The following SMC3 variants were observed in gnomAD, a reference collection of about 807,000 sequenced individuals.
SMC3 encodes structural maintenance of chromosomes 3, also known as structural maintenance of chromosomes protein 3.
In SMC3, 20 loss-of-function variants were observed where a neutral mutation model predicts 171.8. The observed-to-expected ratio is 0.12, with a 90% CI of 0.08 to 0.17. The LOEUF is 0.17. Among genes scored for constraint, SMC3 ranks in the 10% least tolerant of loss-of-function variants. SMC3 has a pLI of 1.00. For missense variants in SMC3, 543 were observed against 1,420.4 expected (o/e 0.38, Z 9.93); for synonymous variants, 464 against 451.1 (o/e 1.03, Z -0.36).
intron 18 of SMC3, among the ~76,000 whole-genome samples, chr10:110,595,092 C>T (rs1010570475): frequency 4.6e-5 from 7 of 151,818 alleles, no homozygotes; most frequent in African/African-American, 1.7e-4. Context: ...AAGCGATTCT[C>T]CTGCCTCAGC....
chr10:110,601,930 AATTT>A (rs1366252086), intron 24 of SMC3, 32 bp from the exon 25 acceptor site: 4 of 1,610,014 alleles, frequency 2.5e-6, no homozygotes, highest in Non-Finnish European at 3.4e-6. Context: ...TCAGTATATA[AATTT>A]ATTTATATGA....
intron 18 of SMC3, among the ~76,000 whole-genome samples, chr10:110,595,256 A>C (rs1861280813): frequency 6.7e-6 from 1 of 148,932 alleles, no homozygotes. Context: ...CTGGGATTAC[A>C]GGCATGACCA....
At chr10:110,599,959 T>G in intron 21 of SMC3, 147 bp downstream of exon 21, 1 of 779,928 alleles carries the variant, frequency 1.3e-6, no homozygotes, top group East Asian at 2.7e-5. Context: ...TAGGAGTAAA[T>G]AAGATTTTGT....
At chr10:110,589,428 C>T (rs2134735369) in intron 13 of SMC3, among the ~76,000 whole-genome samples, 177 bp from the exon 14 acceptor site, 1 of 152,238 alleles carries the variant, frequency 6.6e-6, no homozygotes, top group Admixed American at 6.5e-5. Context: ...AGACACCACA[C>T]ACCACAGTTA....
chr10:110,590,100 T>C, intron 15 of SMC3, 109 bp downstream of exon 15: 1 of 869,694 alleles, frequency 1.1e-6, no homozygotes, highest in Non-Finnish European at 1.9e-6. Flanking sequence ...AAGTGATAAA[T>C]AGGAGTCCAA....
chr10:110,594,344 A>G (rs1168246295), intron 18 of SMC3, among the ~76,000 whole-genome samples: 2 of 152,032 alleles, frequency 1.3e-5, no homozygotes, highest in South Asian at 2.1e-4. Context: ...TAATTATTTA[A>G]TGTATTCAAA....
intron 13 of SMC3, among the ~76,000 whole-genome samples, chr10:110,587,214 GTTTTCTC>G (rs1454144378): frequency 4.6e-5 from 7 of 152,210 alleles, no homozygotes; most frequent in Admixed American, 2.0e-4. Flanking sequence ...CAAACTAAAT[GTTTTCTC>G]TTTTCCAGGT....
intron 6 of SMC3, among the ~76,000 whole-genome samples, chr10:110,578,293 G>T (rs1180704461): frequency 2.6e-5 from 4 of 151,942 alleles, no homozygotes; most frequent in African/African-American, 9.7e-5. Context: ...GGCTGGTCTC[G>T]AACTCTTGAC....
rs544046408 is a variant in SMC3, at chr10:110,576,940, AT to A, written c.199-479del. 1.3e-3 allele frequency among the ~76,000 whole-genome samples: 194 copies of A among 152,278 alleles called. 2 individuals carry two copies. The highest frequency in any genetic ancestry group is 2.0e-3 in the Non-Finnish European group (136 of 67,996). ...TTTCTTAAAAAACAGACTTTTGGTA[AT>A]TATCCCATGATTTATTAGGATTTCT... On this transcript the variant is annotated intron_variant, in intron 4 of 28. Transcript: ENST00000361804.
intron 3 of SMC3, among the ~76,000 whole-genome samples, chr10:110,574,153 GTT>G (rs1564788085): frequency 6.6e-6 from 1 of 152,110 alleles, no homozygotes; most frequent in African/African-American, 2.4e-5. Context: ...TGATAGTATT[GTT>G]TTGGAAAATT....
chr10:110,591,308 G>T (rs1272143091), intron 17 of SMC3, among the ~76,000 whole-genome samples, 176 bp downstream of exon 17: 2 of 152,162 alleles, frequency 1.3e-5, no homozygotes, highest in Non-Finnish European at 2.9e-5. Flanking sequence ...GGAGACAGAA[G>T]TCACAGCTAT....
rs565637138 is a variant in SMC3, at chr10:110,603,166, A to G, written c.3476-18A>G. 3.0e-5 allele frequency: 48 copies of G among 1,580,376 alleles called. No homozygotes were observed. In the East Asian group the frequency reaches 4.0e-4, roughly 13 times the overall value. On this transcript the variant is annotated intron_variant, in intron 27 of 28. Coordinates refer to ENST00000361804, the MANE Select transcript of SMC3 (RefSeq NM_005445.4). The stretch of plus-strand genomic sequence containing the variant: ...CTGCTGAAAAGAAATTTGTTAAAGC[A>G]CAATTTTCTTTTTACAGATATGATT...
rs187792408 is a variant in SMC3 at position 110,586,771 on chromosome 10, C to A, written c.1305+2375C>A. On this transcript the variant is annotated intron_variant, in intron 13 of 28. Coordinates refer to ENST00000361804, the MANE Select transcript of SMC3 (RefSeq NM_005445.4). The stretch of plus-strand genomic sequence containing the variant: ...CTCCTGGGTTCAAGCGATTCTCCTA[C>A]CTCAGCCTCCCATGTAGCTGAGATT... Among the ~76,000 whole-genome samples, 723 of 152,270 alleles carry A rather than the reference C, an allele frequency of 4.7e-3. 7 individuals are homozygous for A. The highest frequency in any genetic ancestry group is 6.9e-3 in the Non-Finnish European group (471 of 68,010).
rs1422422695 is a variant in SMC3 at position 110,602,124 on chromosome 10, G to A, written c.3051G>A (p.Leu1017=). 3 of 1,613,596 alleles carry A rather than the reference G, an allele frequency of 1.9e-6. No homozygotes were observed. Among genetic ancestry groups the A allele is most frequent in the African/African-American group, 2.7e-5 (2 of 74,914 alleles). Residue 1017 remains leucine (L), a synonymous_variant, in exon 25 of 29, where the codon CTG becomes CTA. Transcript: ENST00000361804. ...GGGGTTACAAATCAATCATGGAACTGATGAATGTACTTGAACTTCGGAAAT... is the reference window on the plus strand; with the variant it reads ...GGGGTTACAAATCAATCATGGAACTAATGAATGTACTTGAACTTCGGAAAT... ...LDRGYKSIME[L]MNVLELRKYE... is the part of the protein sequence containing the mutation.
intron 13 of SMC3, among the ~76,000 whole-genome samples, chr10:110,584,781 C>T (rs1861083768): frequency 6.6e-6 from 1 of 152,088 alleles, no homozygotes; most frequent in African/African-American, 2.4e-5. Flanking sequence ...TCACCAGGCC[C>T]AGCAAAATTT....
intron 9 of SMC3, 109 bp downstream of exon 9, chr10:110,582,207 A>G: frequency 9.8e-7 from 1 of 1,023,624 alleles, no homozygotes; most frequent in Middle Eastern, 2.2e-4. Context: ...GAAACTTAAA[A>G]AAAACCTCTC....
chr10:110,601,141 A>G lies in SMC3; in HGVS notation c.2644+11A>G, dbSNP rs773845616. 6.9e-6 allele frequency: 11 copies of G among 1,595,918 alleles called. No homozygotes were observed. Among genetic ancestry groups the G allele is most frequent in the Non-Finnish European group, 9.5e-6 (11 of 1,163,654 alleles). The stretch of plus-strand genomic sequence containing the variant: ...TGGCACGATCAGAAGGTGAATTTTT[A>G]TGTAGTAAAATTTTGTTTATATGCA... On this transcript the variant is annotated intron_variant, in intron 23 of 28. Coordinates refer to ENST00000361804, the MANE Select transcript of SMC3 (RefSeq NM_005445.4).
rs1487990952 is a variant in SMC3 at position 110,581,876 on chromosome 10, TA to T, written c.548-42del. 7 of 1,463,180 alleles carry T rather than the reference TA, an allele frequency of 4.8e-6. No homozygotes were observed. In the South Asian group the frequency reaches 8.0e-5, roughly 17 times the overall value. 90.6% of individuals were successfully genotyped at this position (1,463,180 alleles called of 1,614,324 possible). ...GGTATATTTAAGAAGTGATATTACA[TA>T]AAAATCTTATTCAATTCTTCCACCT... is the stretch of plus-strand genomic sequence containing the variant. On this transcript the variant is annotated intron_variant, in intron 8 of 28. Transcript: ENST00000361804.
rs754477706 is a variant in SMC3, at chr10:110,572,340, G to A, written c.92-1367G>A. ...TGTCCATTTTCCAGTTATGTTGACTGACCCAGAAGTGTTCTTGATAGCATT... is the reference window on the plus strand; with the variant it reads ...TGTCCATTTTCCAGTTATGTTGACTAACCCAGAAGTGTTCTTGATAGCATT... On this transcript the variant is annotated intron_variant, in intron 2 of 28. Transcript: ENST00000361804. Among the ~76,000 whole-genome samples, 16 of 152,296 alleles carry A rather than the reference G, an allele frequency of 1.1e-4. No individual in the cohort carries two copies. The Middle Eastern group carries it at 0.014, about 130-fold the overall frequency.
Sources: allele counts gnomAD v4.1 joint callset (sites outside exome capture counted in the v4.1 genomes callset), GRCh38; gene constraint gnomAD v4.1.1; transcripts MANE v1.5; gene names NCBI Gene and HGNC (gene_info 2026-07-23, HGNC 2026-07-21).